Variants in SETD5 observed in about 807,000 individuals in gnomAD.
SETD5 encodes SET domain containing 5.
Under a neutral mutation model 153.3 loss-of-function variants are expected in SETD5, and 44 were observed. That is an observed-to-expected ratio of 0.29 (90% CI 0.23 to 0.37). The LOEUF (loss-of-function observed/expected upper bound fraction) is 0.37. Among genes scored for constraint, SETD5 ranks in the 10% least tolerant of loss-of-function variants. The pLI, the probability that SETD5 is intolerant of heterozygous loss-of-function variation, is 1.00. For synonymous variants in SETD5, 716 were observed against 645.2 expected, an observed-to-expected ratio of 1.11 and a Z score of -1.66; for missense variants, 1,544 against 1,768.0, an observed-to-expected ratio of 0.87 and a Z score of 2.27.
At chr3:9,406,937 T>A (rs1027821259) in intron 1 of SETD5, among the ~76,000 whole-genome samples, 1 of 152,232 alleles carries the variant, frequency 6.6e-6, no homozygotes, top group Non-Finnish European at 1.5e-5. Flanking sequence ...GGTAGTCACC[T>A]TATTGGTGGC....
intron 7 of SETD5, chr3:9,436,804 T>A (rs1433347547): frequency 6.5e-7 from 1 of 1,527,546 alleles, no homozygotes; most frequent in Non-Finnish European, 8.9e-7. Flanking sequence ...CTGTCATTCT[T>A]GGTACCAAGT....
chr3:9,408,153 C>CA (rs1553605407), intron 1 of SETD5, among the ~76,000 whole-genome samples: 1 of 152,108 alleles, frequency 6.6e-6, no homozygotes, highest in Non-Finnish European at 1.5e-5. Flanking sequence ...ATACGCTTAC[C>CA]ATAATTGTAG....
chr3:9,421,040 T>C (rs2038312385), intron 1 of SETD5, among the ~76,000 whole-genome samples: 1 of 152,074 alleles, frequency 6.6e-6, no homozygotes, highest in East Asian at 1.9e-4. Flanking sequence ...TGTGCTCCTA[T>C]GAGTCAGCAC....
At chr3:9,430,673 A>G (rs913430283) in intron 3 of SETD5, 4 of 294,690 alleles carry the variant, frequency 1.4e-5, no homozygotes, top group African/African-American at 2.3e-5. Context: ...AGAAATTTCA[A>G]CAAAGAGGTT....
chr3:9,431,826 C>A, intron 3 of SETD5: 3 of 631,692 alleles, frequency 4.7e-6, no homozygotes, highest in South Asian at 7.1e-5. Flanking sequence ...TTTTCCTGTC[C>A]CCCTCCCACC....
chr3:9,410,877 C>CTTTTTTTTTTT (rs34787440), intron 1 of SETD5, among the ~76,000 whole-genome samples: 4 of 146,116 alleles, frequency 2.7e-5, no homozygotes, highest in Admixed American at 1.4e-4. Flanking sequence ...TAAAAATTCT[C>CTTTTTTTTTTT]TTTTTTTTTT....
At chr3:9,398,363 C>G (rs964612433) in intron 1 of SETD5, 3 of 152,120 alleles carry the variant, frequency 2.0e-5, no homozygotes, top group Non-Finnish European at 4.4e-5. Flanking sequence ...CTTTTTTTCT[C>G]TCCCCGATCC....
rs926608333 is a variant in SETD5, at chr3:9,397,633, G to C, written c.-521G>C. ...TGCGGTCAGTGGCGTTTCCGCTCGG[G>C]CAGCGGGCTGAGTGAGCTGCCGCCG... On this transcript the variant is annotated 5_prime_UTR_variant, in exon 1 of 23. Coordinates refer to ENST00000402198, the MANE Select transcript of SETD5 (RefSeq NM_001080517.3). 8 of 175,000 alleles carry C rather than the reference G, an allele frequency of 4.6e-5. No individual in the cohort carries two copies. The highest frequency in any genetic ancestry group is 1.6e-4 in the South Asian group (1 of 6,156). 10.8% of individuals were successfully genotyped at this position (175,000 alleles called of 1,614,324 possible). A position where few individuals can be genotyped will look rare whatever the true frequency, so the allele number is the denominator to read the frequency against.
At chr3:9,443,228 A>T (rs1371754193) in intron 10 of SETD5, 80 bp from the exon 11 acceptor site, 1 of 989,830 alleles carries the variant, frequency 1.0e-6, no homozygotes, top group African/African-American at 1.6e-5. Flanking sequence ...CTCCAAATGG[A>T]GAGAAAGTAT....
intron 6 of SETD5, among the ~76,000 whole-genome samples, chr3:9,435,319 A>C (rs938902956): frequency 2.6e-5 from 4 of 151,956 alleles, no homozygotes; most frequent in African/African-American, 9.7e-5. Flanking sequence ...TCACAGAAAG[A>C]GATAGAAGTC....
Position 9,476,241 on chromosome 3 carries a change from G to T in SETD5, c.*150G>T, listed in dbSNP as rs2045844716. On this transcript the variant is annotated 3_prime_UTR_variant, in exon 23 of 23. Transcript: ENST00000402198. Reference sequence around the variant, plus strand: ...TGGTGGACAAGAAACAAGACTTGTGGTCACAATTGGCCTCTGGCCTTGGAG... The same window carrying T: ...TGGTGGACAAGAAACAAGACTTGTGTTCACAATTGGCCTCTGGCCTTGGAG... 9.0e-7 allele frequency: 1 copy of T among 1,105,066 alleles called. No individual in the cohort carries two copies. Among genetic ancestry groups the T allele is most frequent in the African/African-American group, 1.6e-5 (1 of 63,252 alleles). 68.5% of individuals were successfully genotyped at this position (1,105,066 alleles called of 1,614,324 possible). A position where few individuals can be genotyped will look rare whatever the true frequency, so the allele number is the denominator to read the frequency against.
intron 1 of SETD5, among the ~76,000 whole-genome samples, chr3:9,401,255 T>C (rs1559336989): frequency 6.6e-6 from 1 of 152,228 alleles, no homozygotes; most frequent in African/African-American, 2.4e-5. Flanking sequence ...TAAATATGAT[T>C]TCATGTATAC....
chr3:9,458,670 CTG>C (rs1402195234), intron 17 of SETD5, among the ~76,000 whole-genome samples: 2 of 152,132 alleles, frequency 1.3e-5, no homozygotes, highest in African/African-American at 4.8e-5. Context: ...TATACTGCCT[CTG>C]TATTAATAGA....
intron 1 of SETD5, among the ~76,000 whole-genome samples, chr3:9,410,478 T>C (rs1170426113): frequency 1.3e-5 from 2 of 152,232 alleles, no homozygotes; most frequent in Non-Finnish European, 2.9e-5. Flanking sequence ...TTGTTACATT[T>C]TACTTTCAGA....
chr3:9,419,796 G>A (rs1349588300), intron 1 of SETD5, among the ~76,000 whole-genome samples: 1 of 152,140 alleles, frequency 6.6e-6, no homozygotes, highest in Non-Finnish European at 1.5e-5. Flanking sequence ...TAAAAATACA[G>A]ATATTAATGG....
intron 3 of SETD5, chr3:9,430,018 A>G (rs1254375078): frequency 3.5e-6 from 4 of 1,155,896 alleles, no homozygotes; most frequent in Admixed American, 7.7e-5. Context: ...GGTCCAGTTC[A>G]GACTCTTGAT....
chr3:9,456,514 A>G (rs2043266399), intron 17 of SETD5, among the ~76,000 whole-genome samples: 1 of 151,506 alleles, frequency 6.6e-6, no homozygotes, highest in Non-Finnish European at 1.5e-5. Context: ...TCTGAGCCTC[A>G]TTTGTAAAAT....
intron 16 of SETD5, 139 bp from the exon 17 acceptor site, chr3:9,453,600 C>CA (rs1559450413): frequency 1.4e-6 from 1 of 735,602 alleles, no homozygotes; most frequent in Non-Finnish European, 2.0e-6. Context: ...TGCTGAGACA[C>CA]AAGACAATAA....
rs369516880 is a variant in SETD5, at chr3:9,426,892, G to A, written c.-116-1931G>A. On this transcript the variant is annotated intron_variant, in intron 2 of 22. Transcript: ENST00000402198. ...CCTCCAATTGGGTGTAGGAACAGGC[G>A]TATTGTCATACCCAGAGGTCTCACT... is the stretch of plus-strand genomic sequence containing the variant. Among the ~76,000 whole-genome samples the A allele has an allele frequency of 1.3e-4, 20 of 152,022 alleles. No homozygotes were observed. In the East Asian group the frequency reaches 3.3e-3, roughly 25 times the overall value.
Sources: allele counts gnomAD v4.1 joint callset (sites outside exome capture counted in the v4.1 genomes callset), GRCh38; gene constraint gnomAD v4.1.1; transcripts MANE v1.5; gene names NCBI Gene and HGNC (gene_info 2026-07-23, HGNC 2026-07-21).